The following KDM7A variants were observed in gnomAD, a reference collection of about 807,000 sequenced individuals.
KDM7A encodes the protein lysine-specific demethylase 7A.
Under a neutral mutation model 114.8 loss-of-function variants are expected in KDM7A, and 28 were observed. The observed-to-expected ratio is 0.24, with a 90% CI of 0.18 to 0.33. The LOEUF is 0.33. Among genes scored for constraint, KDM7A ranks in the 10% least tolerant of loss-of-function variants. The pLI, the probability that KDM7A is intolerant of heterozygous loss-of-function variation, is 1.00. For missense variants in KDM7A, 942 were observed against 1,142.5 expected (o/e 0.82, Z 2.53); for synonymous variants, 423 against 397.8 (o/e 1.06, Z -0.75).
At chr7:140,139,046 A>G in intron 2 of KDM7A, 59 bp downstream of exon 2, 1 of 1,055,596 alleles carries the variant, frequency 9.5e-7, no homozygotes, top group Non-Finnish European at 1.5e-6. Flanking sequence ...ATGTACATGT[A>G]AGTTTGAAAT....
At chr7:140,171,505 T>A (rs937495854) in intron 1 of KDM7A, among the ~76,000 whole-genome samples, 31 of 130,812 alleles carry the variant, frequency 2.4e-4, no homozygotes, top group Non-Finnish European at 4.0e-4. Flanking sequence ...TATACATATT[T>A]TATATATATT....
intron 1 of KDM7A, among the ~76,000 whole-genome samples, chr7:140,161,069 T>C (rs1456066276): frequency 2.0e-5 from 3 of 152,246 alleles, no homozygotes; most frequent in Non-Finnish European, 4.4e-5. Flanking sequence ...AAGAGAGGAA[T>C]ATGAATCAGA....
intron 1 of KDM7A, among the ~76,000 whole-genome samples, chr7:140,143,218 A>T (rs191154786): frequency 6.6e-6 from 1 of 151,778 alleles, no homozygotes; most frequent in East Asian, 1.9e-4. Flanking sequence ...AGTACATATG[A>T]TATATTCTAT....
intron 1 of KDM7A, among the ~76,000 whole-genome samples, chr7:140,151,840 C>A (rs1035912672): frequency 6.6e-5 from 10 of 152,154 alleles, no homozygotes; most frequent in Non-Finnish European, 1.2e-4. Flanking sequence ...ATCCAGCAGA[C>A]AGTTTTATTT....
chr7:140,125,274 T>G (rs1818680741), intron 6 of KDM7A, among the ~76,000 whole-genome samples: 1 of 152,174 alleles, frequency 6.6e-6, no homozygotes, highest in African/African-American at 2.4e-5. Context: ...CCCAGAACAT[T>G]GCTGAGGCAC....
chr7:140,161,324 C>T (rs1165732661), intron 1 of KDM7A, among the ~76,000 whole-genome samples: 5 of 152,216 alleles, frequency 3.3e-5, no homozygotes, highest in Non-Finnish European at 7.3e-5. Flanking sequence ...TTTCCAAAAC[C>T]ATTGATGGAA....
chr7:140,154,865 T>C (rs554916179), intron 1 of KDM7A, among the ~76,000 whole-genome samples: 5 of 152,270 alleles, frequency 3.3e-5, no homozygotes, highest in Non-Finnish European at 5.9e-5. Flanking sequence ...TTTGTTTTTA[T>C]AATTATAAGT....
intron 11 of KDM7A, among the ~76,000 whole-genome samples, chr7:140,105,265 C>T (rs142937492): frequency 0.011 from 1,605 of 152,210 alleles, 23 homozygotes; most frequent in African/African-American, 0.037. Flanking sequence ...CTCTTCCTAA[C>T]GGAATACCCT....
chr7:140,175,725 C>T (rs1161311633), intron 1 of KDM7A, among the ~76,000 whole-genome samples: 30 of 152,144 alleles, frequency 2.0e-4, no homozygotes, highest in Non-Finnish European at 5.9e-5. Context: ...AACGTCAAAC[C>T]CGGAGCGCGG....
intron 1 of KDM7A, among the ~76,000 whole-genome samples, chr7:140,166,335 CTT>C (rs746518929): frequency 3.2e-4 from 41 of 128,646 alleles, no homozygotes; most frequent in Non-Finnish European, 4.1e-4. Context: ...CTTTTTTTTC[CTT>C]TTTTTTTTTT....
chr7:140,100,097 A>T, intron 12 of KDM7A, 74 bp from the exon 13 acceptor site: 1 of 1,479,440 alleles, frequency 6.8e-7, no homozygotes, highest in Non-Finnish European at 9.4e-7. Flanking sequence ...AATACAGTAT[A>T]CCACCACCTC....
intron 11 of KDM7A, among the ~76,000 whole-genome samples, chr7:140,110,229 TGTTG>T (rs1175136049): frequency 1.3e-5 from 2 of 152,210 alleles, no homozygotes; most frequent in African/African-American, 4.8e-5. Flanking sequence ...TTATTCTTCA[TGTTG>T]GTTATCATGC....
At chr7:140,113,060 C>T (rs1818458360) in intron 10 of KDM7A, among the ~76,000 whole-genome samples, 1 of 152,204 alleles carries the variant, frequency 6.6e-6, no homozygotes, top group African/African-American at 2.4e-5. Context: ...GGGCAAGTTA[C>T]TTAACTCTTT....
chr7:140,135,791 A>G (rs994080467), intron 2 of KDM7A, among the ~76,000 whole-genome samples: 2 of 152,112 alleles, frequency 1.3e-5, no homozygotes, highest in Non-Finnish European at 2.9e-5. Context: ...TAATTGCTAC[A>G]TATTACAAAA....
chr7:140,106,216 T>C (rs1292302074), intron 11 of KDM7A, among the ~76,000 whole-genome samples: 2 of 152,222 alleles, frequency 1.3e-5, no homozygotes, highest in Non-Finnish European at 2.9e-5. Context: ...ATCAATTTTG[T>C]TAATCTTTTC....
intron 11 of KDM7A, among the ~76,000 whole-genome samples, chr7:140,105,081 G>GCT (rs1240461704): frequency 1.3e-5 from 2 of 151,692 alleles, no homozygotes; most frequent in Non-Finnish European, 2.9e-5. Flanking sequence ...TCATGATTTG[G>GCT]CTCTGTTTGT....
At chr7:140,113,291 A>T (rs1366334128) in intron 10 of KDM7A, among the ~76,000 whole-genome samples, 200 bp downstream of exon 10, 1 of 152,240 alleles carries the variant, frequency 6.6e-6, no homozygotes, top group African/African-American at 2.4e-5. Flanking sequence ...TTGAAGATTA[A>T]AGAAATAAAT....
intron 1 of KDM7A, among the ~76,000 whole-genome samples, chr7:140,164,693 G>C (rs774143127): frequency 6.6e-6 from 1 of 152,064 alleles, no homozygotes; most frequent in Non-Finnish European, 1.5e-5. Flanking sequence ...TATAATAAAG[G>C]TATTACAGGT....
chr7:140,096,561 C>G lies in KDM7A; in HGVS notation c.2368G>C (p.Glu790Gln). The G allele has an allele frequency of 6.2e-7, 1 of 1,612,760 alleles. No homozygotes were observed. ...RQLYRYDKPVECGYHVKTEDP... is the reference protein window; with the variant it reads ...RQLYRYDKPVQCGYHVKTEDP... ...GATAATTTATGTTTCTTACCACATT[C>G]CACTGGTTTATCATAGCGATACAAC... Residue 790 changes from glutamate (E) to glutamine (Q), a missense_variant, in exon 17 of 20, where the codon GAA becomes CAA. Transcript: ENST00000397560.
Sources: gnomAD v4.1 joint callset for allele counts (sites outside exome capture counted in the v4.1 genomes callset) on GRCh38, gnomAD v4.1.1 for gene constraint, MANE v1.5 for transcripts, NCBI Gene and HGNC (gene_info 2026-07-23, HGNC 2026-07-21) for gene names.